The following EFCAB8 variants were observed in gnomAD, a reference collection of about 807,000 sequenced individuals.
EFCAB8 encodes the protein EF-hand calcium binding domain 8.
Under a neutral mutation model 116.3 loss-of-function variants are expected in EFCAB8, and 100 were observed. The ratio of observed to expected loss-of-function variants is 0.86; its 90% CI spans 0.73 to 1.02. The LOEUF (loss-of-function observed/expected upper bound fraction) is 1.02, where lower values mean the gene tolerates loss of function less well. EFCAB8 is among the 50% of genes least tolerant of loss of function. The pLI is 0.00. For missense variants in EFCAB8, 1,320 were observed against 1,416.9 expected, an observed-to-expected ratio of 0.93 and a Z score of 1.10; for synonymous variants, 558 against 567.9, an observed-to-expected ratio of 0.98 and a Z score of 0.25.
At chr20:32,936,505 G>T (rs1988124769) in intron 22 of EFCAB8, among the ~76,000 whole-genome samples, 1 of 152,010 alleles carries the variant, frequency 6.6e-6, no homozygotes, top group African/African-American at 2.4e-5. Flanking sequence ...TGTGAGATAA[G>T]GATCCAATTT....
At chr20:32,926,490 T>C (rs561443096) in intron 20 of EFCAB8, among the ~76,000 whole-genome samples, 43 of 149,460 alleles carry the variant, frequency 2.9e-4, no homozygotes, top group Admixed American at 7.3e-4. Context: ...TCTCAGCACA[T>C]AATAATCTAT....
In EFCAB8 at chr20:32,918,677, A is replaced by C. The variant is rs1038015783; in HGVS notation, c.2274+103A>C. 4.1e-6 allele frequency: 5 copies of C among 1,221,438 alleles called. No homozygotes were observed. In the African/African-American group the frequency reaches 7.5e-5, roughly 18 times the overall value. The allele number at this position is 1,221,438 out of a possible 1,614,324, so 75.7% of individuals were successfully genotyped here. On this transcript the variant is annotated intron_variant, in intron 19 of 26. Coordinates refer to ENST00000400522, the MANE Select transcript of EFCAB8 (RefSeq NM_001143967.2). ...TTCTTATTGGGATGTACTTTTTCCA[A>C]AGTGCCTTTAGGTCCCTCAACTCAC...
chr20:32,867,817 T>C, intron 3 of EFCAB8, 70 bp downstream of exon 3: 1 of 1,483,768 alleles, frequency 6.7e-7, no homozygotes, highest in Non-Finnish European at 9.0e-7. Context: ...ACCTGGGGTG[T>C]GTGGAGGGTT....
intron 5 of EFCAB8, among the ~76,000 whole-genome samples, chr20:32,880,364 GT>G (rs2146194717): frequency 2.0e-5 from 3 of 152,222 alleles, no homozygotes; most frequent in Admixed American, 2.0e-4. Flanking sequence ...CGCCCCCCGG[GT>G]TCAAGCGATT....
intron 22 of EFCAB8, 90 bp from the exon 23 acceptor site, chr20:32,943,546 T>C: frequency 2.4e-6 from 1 of 415,912 alleles, no homozygotes. Context: ...CCCTTCCAAC[T>C]GGGCTCTGCT....
chr20:32,930,481 G>T lies in EFCAB8; in HGVS notation c.2496G>T (p.Trp832Cys). 6.4e-7 allele frequency: 1 copy of T among 1,551,998 alleles called. No individual in the cohort carries two copies. Residue 832 changes from tryptophan to cysteine, a missense_variant, in exon 21 of 27, where the codon TGG becomes TGT. Transcript: ENST00000400522. ...SSCMDGYIYA[W>C]SLHENGGLLG... ...GCATGGACGGCTACATCTACGCCTG[G>T]TCCCTCCATGAGAATGGAGGCCTGC...
intron 17 of EFCAB8, among the ~76,000 whole-genome samples, chr20:32,915,541 A>G (rs1199373530): frequency 2.0e-5 from 3 of 152,208 alleles, no homozygotes; most frequent in Non-Finnish European, 4.4e-5. Flanking sequence ...GTATTCTCTA[A>G]GAATATTGAG....
At chr20:32,914,008 G>A (rs1175154053) in intron 17 of EFCAB8, among the ~76,000 whole-genome samples, 2 of 152,236 alleles carry the variant, frequency 1.3e-5, no homozygotes, top group African/African-American at 4.8e-5. Context: ...GTGGCTCTAT[G>A]CCTGGGCCCT....
chr20:32,917,539 T>C, intron 18 of EFCAB8, 34 bp downstream of exon 18: 1 of 1,533,868 alleles, frequency 6.5e-7, no homozygotes. Flanking sequence ...CCTCCCACCC[T>C]TCTCTCAGCT....
At chr20:32,931,465 A>T in intron 22 of EFCAB8, 129 bp downstream of exon 22, 1 of 1,250,890 alleles carries the variant, frequency 8.0e-7, no homozygotes, top group Non-Finnish European at 1.1e-6. Context: ...TATTGATAGA[A>T]TTAGTATTCG....
In EFCAB8 at chr20:32,944,160, A is replaced by ATAT. The variant is rs568439179; in HGVS notation, c.2959+357_2959+359dup. ...ATTTTGAGAAAGTAAATACATACCC[A>ATAT]TATAGCCACCGTTCATGTCAAGAAA... is the stretch of plus-strand genomic sequence containing the variant. On this transcript the variant is annotated intron_variant, in intron 23 of 26. Coordinates refer to ENST00000400522, the MANE Select transcript of EFCAB8 (RefSeq NM_001143967.2). 5.9e-5 allele frequency among the ~76,000 whole-genome samples: 9 copies of ATAT among 152,316 alleles called. No homozygotes were observed. The South Asian group carries it at 1.9e-3, about 32-fold the overall frequency.
At chr20:32,915,672 CTTT>C (rs34915357) in intron 17 of EFCAB8, among the ~76,000 whole-genome samples, 1 of 141,770 alleles carries the variant, frequency 7.1e-6, no homozygotes, top group Non-Finnish European at 1.5e-5. Context: ...CTATTACCTA[CTTT>C]TTTTTTTTTT....
At chr20:32,960,921 G>A (rs1488618377) in intron 26 of EFCAB8, among the ~76,000 whole-genome samples, 2 of 152,232 alleles carry the variant, frequency 1.3e-5, no homozygotes, top group Admixed American at 6.5e-5. Flanking sequence ...CGCCGTAACT[G>A]GGTGGAGAGC....
intron 1 of EFCAB8, among the ~76,000 whole-genome samples, chr20:32,859,832 T>TA (rs749020930): frequency 9.2e-5 from 14 of 152,226 alleles, no homozygotes; most frequent in Non-Finnish European, 2.1e-4. Flanking sequence ...TAATATGCTA[T>TA]CTAATAATAT....
At chr20:32,958,377 G>A (rs1251392175) in intron 23 of EFCAB8, 44 bp from the exon 24 acceptor site, 1 of 416,312 alleles carries the variant, frequency 2.4e-6, no homozygotes, top group Non-Finnish European at 4.4e-6. Context: ...CATGGAGGAG[G>A]GGGTATGCCA....
At chr20:32,910,226 T>G (rs79191182) in intron 15 of EFCAB8, among the ~76,000 whole-genome samples, 2,308 of 152,302 alleles carry the variant, frequency 0.015, 60 homozygotes, top group African/African-American at 0.051. Flanking sequence ...GCCTTCTTGA[T>G]GTGGAGTATG....
chr20:32,920,126 A>T lies in EFCAB8; in HGVS notation c.2323A>T (p.Ser775Cys). The T allele has an allele frequency of 6.4e-7, 1 of 1,551,790 alleles. No homozygotes were observed. The highest frequency in any genetic ancestry group is 8.7e-7 in the Non-Finnish European group (1 of 1,147,010). The stretch of plus-strand genomic sequence containing the variant: ...ATCCAGGCAGTCAAGCAAGATCCAC[A>T]GCAAACAGTCCATTTACAAAGAGGA... ...GTSRQSSKIHSKQSIYKEDET... is the reference protein window; with the variant it reads ...GTSRQSSKIHCKQSIYKEDET... Residue 775 changes from serine to cysteine, a missense_variant, in exon 20 of 27, where the codon AGC becomes TGC. Coordinates refer to ENST00000400522, the MANE Select transcript of EFCAB8 (RefSeq NM_001143967.2).
At chr20:32,885,787 G>A in intron 6 of EFCAB8, 147 bp downstream of exon 6, 1 of 1,041,780 alleles carries the variant, frequency 9.6e-7, no homozygotes, top group Non-Finnish European at 1.4e-6. Flanking sequence ...GTCCTGACTT[G>A]GCTTCACTGT....
chr20:32,949,104 TAGTA>T (rs1180590965), intron 23 of EFCAB8, among the ~76,000 whole-genome samples: 2 of 152,192 alleles, frequency 1.3e-5, no homozygotes, highest in African/African-American at 2.4e-5. Flanking sequence ...TAAAAAGAGT[TAGTA>T]AGGAGTTTAA....
Sources: gnomAD v4.1 joint callset for allele counts (sites outside exome capture counted in the v4.1 genomes callset) on GRCh38, gnomAD v4.1.1 for gene constraint, MANE v1.5 for transcripts, NCBI Gene and HGNC (gene_info 2026-07-23, HGNC 2026-07-21) for gene names.